Variants in ABCG1 observed in about 807,000 individuals in gnomAD.
ABCG1 encodes ATP-binding cassette sub-family G member 1.
In ABCG1, 29 loss-of-function variants were observed where a neutral mutation model predicts 69.2. The observed-to-expected ratio is 0.42, with a 90% CI of 0.31 to 0.57. The LOEUF is 0.57. ABCG1 is among the 20% of genes least tolerant of loss of function. The probability of loss-of-function intolerance (pLI) is 0.15; values close to 1 mark genes in which losing one functional copy is unlikely to be tolerated. For missense variants in ABCG1, 718 were observed against 898.1 expected (o/e 0.80, Z 2.56); for synonymous variants, 370 against 374.8 (o/e 0.99, Z 0.15).
Position 42,219,239 on chromosome 21 carries a change from C to A in ABCG1, c.-24C>A. Reference sequence around the variant, plus strand: ...GCCTCGTCCCCGCCGCCGCCGCCGCCGCCGCCGCCGCCGCCCCCGGGGCAT... The same window carrying A: ...GCCTCGTCCCCGCCGCCGCCGCCGCAGCCGCCGCCGCCGCCCCCGGGGCAT... On this transcript the variant is annotated 5_prime_UTR_variant, in exon 1 of 15. Coordinates refer to ENST00000398449, the MANE Select transcript of ABCG1 (RefSeq NM_016818.3). This position sits in a 1 kb window ranked among gnomAD's most constrained non-coding sequence, Gnocchi z 5.3. The A allele has an allele frequency of 1.3e-6, 2 of 1,524,716 alleles. No homozygotes were observed. Among genetic ancestry groups the A allele is most frequent in the Non-Finnish European group, 1.8e-6 (2 of 1,142,764 alleles). 94.4% of individuals were successfully genotyped at this position (1,524,716 alleles called of 1,614,324 possible).
rs778772629 is a variant in ABCG1, at chr21:42,287,890, C to CATGG, written c.977_980dup (p.Glu327AspfsTer10). ...GACCCCCGTCTGTGTCTCCTGCAGT[C>CATGG]ATGGAGGTTGCATCCGGCGAGTACG... On this transcript the variant is annotated frameshift_variant and splice_region_variant, in exon 9 of 15. Transcript: ENST00000398449. LOFTEE classifies it high-confidence loss of function. This position sits in a 1 kb window ranked among gnomAD's most constrained non-coding sequence, Gnocchi z 6.2. The CATGG allele has an allele frequency of 6.3e-7, 1 of 1,580,048 alleles. No individual in the cohort carries two copies. Among genetic ancestry groups the CATGG allele is most frequent in the Non-Finnish European group, 8.6e-7 (1 of 1,160,000 alleles).
chr21:42,211,249 C>A (rs1199041700), upstream of ABCG1, among the ~76,000 whole-genome samples: 1 of 152,148 alleles, frequency 6.6e-6, no homozygotes, highest in African/African-American at 2.4e-5. Context: ...TGAGCCACTG[C>A]ACCTGGCCTC....
chr21:42,287,958 T>C lies in ABCG1; in HGVS notation c.1043T>C (p.Met348Thr), dbSNP rs1261636191. 1.4e-5 allele frequency: 23 copies of C among 1,613,560 alleles called. No individual in the cohort carries two copies. Among genetic ancestry groups the C allele is most frequent in the Non-Finnish European group, 1.8e-5 (21 of 1,179,784 alleles). Residue 348 changes from methionine (M) to threonine (T), a missense_variant, in exon 9 of 15, where the codon ATG becomes ACG. Transcript: ENST00000398449. The surrounding 1 kb of genome is among the most constrained non-coding windows in gnomAD (Gnocchi z 6.2). The part of the protein sequence containing the change: ...SRLVRAVREG[M>T]CDSDHKRDLG... The stretch of plus-strand genomic sequence containing the variant: ...CTGGTGAGAGCGGTTCGGGAGGGCA[T>C]GTGTGACTCAGACCACAAGAGAGAC...
At chr21:42,200,548 T>G (rs1434908570) in intron 1 of ABCG1, among the ~76,000 whole-genome samples, 1 of 151,182 alleles carries the variant, frequency 6.6e-6, no homozygotes, top group East Asian at 1.9e-4. Context: ...GGGGGTGGGG[T>G]GGAGGGATGC....
intron 5 of ABCG1, among the ~76,000 whole-genome samples, chr21:42,279,211 A>C (rs1569233642): frequency 6.6e-6 from 1 of 151,968 alleles, no homozygotes; most frequent in Non-Finnish European, 1.5e-5. Flanking sequence ...GAGACGGTGG[A>C]AGTGGTCACT....
intron 2 of ABCG1, among the ~76,000 whole-genome samples, chr21:42,241,948 A>C (rs2068057791): frequency 6.9e-6 from 1 of 144,592 alleles, no homozygotes; most frequent in African/African-American, 2.6e-5. Context: ...ACTGCACTCC[A>C]GCCTGGACAA....
intron 2 of ABCG1, among the ~76,000 whole-genome samples, chr21:42,257,959 T>C (rs1012979396): frequency 2.7e-5 from 4 of 147,572 alleles, no homozygotes; most frequent in Non-Finnish European, 6.0e-5. Context: ...TCTCCATCCA[T>C]CCCTCCACTC....
At chr21:42,237,218 G>C (rs2067989797) in intron 2 of ABCG1, among the ~76,000 whole-genome samples, 1 of 152,190 alleles carries the variant, frequency 6.6e-6, no homozygotes, top group African/African-American at 2.4e-5. Context: ...ATCTGAGTTG[G>C]CTAAGTCTCT....
intron 7 of ABCG1, among the ~76,000 whole-genome samples, chr21:42,285,069 G>A (rs534501202): frequency 2.5e-4 from 38 of 152,234 alleles, no homozygotes; most frequent in Admixed American, 3.9e-4. Context: ...CCTGGTGGTC[G>A]GTCATGGGAT....
In ABCG1 at chr21:42,291,805, G is replaced by A; in HGVS notation, c.1653+149G>A. 2 of 1,017,978 alleles carry A rather than the reference G, an allele frequency of 2.0e-6. No homozygotes were observed. Among genetic ancestry groups the A allele is most frequent in the South Asian group, 1.8e-5 (1 of 55,324 alleles). The allele number at this position is 1,017,978 out of a possible 1,614,324, so 63.1% of individuals were successfully genotyped here. A position where few individuals can be genotyped will look rare whatever the true frequency, so the allele number is the denominator to read the frequency against. On this transcript the variant is annotated intron_variant, in intron 13 of 14. Coordinates refer to ENST00000398449, the MANE Select transcript of ABCG1 (RefSeq NM_016818.3). The surrounding 1 kb of genome is among the most constrained non-coding windows in gnomAD (Gnocchi z 6.4). ...CGTTCCCACGGGAAGGGCCCGCATT[G>A]TCGAGGGTCAGGATCAGCTGGCTTC...
chr21:42,222,203 C>T (rs2067739348), intron 1 of ABCG1, among the ~76,000 whole-genome samples: 1 of 152,136 alleles, frequency 6.6e-6, no homozygotes, highest in Non-Finnish European at 1.5e-5. Flanking sequence ...TTTTAATGAG[C>T]TCAGGAGGCT....
At chr21:42,252,739 T>C (rs890461867) in intron 2 of ABCG1, among the ~76,000 whole-genome samples, 1 of 152,160 alleles carries the variant, frequency 6.6e-6, no homozygotes, top group Non-Finnish European at 1.5e-5. Context: ...TCCCATTGCC[T>C]GGCTTTCCCT....
At chr21:42,262,797 T>C (rs1569225218) in intron 2 of ABCG1, among the ~76,000 whole-genome samples, 1 of 152,202 alleles carries the variant, frequency 6.6e-6, no homozygotes, top group African/African-American at 2.4e-5. Flanking sequence ...TCCAAGCTCT[T>C]GTATGTCACC....
At chr21:42,259,630 T>G (rs1182211256) in intron 2 of ABCG1, 1 of 1,438,600 alleles carries the variant, frequency 7.0e-7, no homozygotes, top group East Asian at 2.5e-5. Flanking sequence ...ACTCATTTGA[T>G]AAAAACTGAC....
At chr21:42,220,060 C>T in intron 1 of ABCG1, 1 of 1,547,232 alleles carries the variant, frequency 6.5e-7, no homozygotes, top group South Asian at 1.2e-5. Context: ...AGTGCTGTTT[C>T]CAGGGGTGGT....
At chr21:42,227,181 G>T (rs2067830290) in intron 2 of ABCG1, among the ~76,000 whole-genome samples, 1 of 152,170 alleles carries the variant, frequency 6.6e-6, no homozygotes, top group African/African-American at 2.4e-5. Context: ...CTTCTCAACA[G>T]ACAACAGTAT....
Position 42,219,209 on chromosome 21 carries a change from C to T in ABCG1, c.-54C>T. ...AGCCAGCGCAGCCTCGGCCCCGCAG[C>T]TCAAGCCTCGTCCCCGCCGCCGCCG... On this transcript the variant is annotated 5_prime_UTR_variant, in exon 1 of 15. Transcript: ENST00000398449. This position sits in a 1 kb window ranked among gnomAD's most constrained non-coding sequence, Gnocchi z 5.3. The T allele has an allele frequency of 6.8e-7, 1 of 1,463,996 alleles. No homozygotes were observed. Among genetic ancestry groups the T allele is most frequent in the Non-Finnish European group, 9.0e-7 (1 of 1,108,026 alleles). The allele number at this position is 1,463,996 out of a possible 1,614,324, so 90.7% of individuals were successfully genotyped here.
chr21:42,220,665 A>G (rs1209775689), intron 1 of ABCG1, among the ~76,000 whole-genome samples: 1 of 152,254 alleles, frequency 6.6e-6, no homozygotes, highest in East Asian at 1.9e-4. Flanking sequence ...CGTGGCTTCT[A>G]CGTAGAAGAG....
chr21:42,230,094 G>A (rs941259181), intron 2 of ABCG1, among the ~76,000 whole-genome samples: 10 of 152,190 alleles, frequency 6.6e-5, no homozygotes, highest in Non-Finnish European at 1.0e-4. Flanking sequence ...AAACAGTAGC[G>A]GCATTTTTAA....
Sources: gnomAD v4.1 joint callset for allele counts (sites outside exome capture counted in the v4.1 genomes callset) on GRCh38, gnomAD v4.1.1 for gene constraint, Gnocchi (gnomAD v3.1) non-coding constraint, MANE v1.5 for transcripts, NCBI Gene and HGNC (gene_info 2026-07-23, HGNC 2026-07-21) for gene names.